SELENOI: variants seen among roughly 807,000 people sequenced by gnomAD.
SELENOI encodes ethanolaminephosphotransferase 1.
In SELENOI, 24 loss-of-function variants were observed where a neutral mutation model predicts 50.7. The observed-to-expected ratio is 0.47, with a 90% CI of 0.34 to 0.67. The LOEUF is 0.67. Among genes scored for constraint, SELENOI ranks in the 30% least tolerant of loss-of-function variants. The pLI, the probability that SELENOI is intolerant of heterozygous loss-of-function variation, is 0.01. For synonymous variants in SELENOI, 155 were observed against 170.2 expected, an observed-to-expected ratio of 0.91 and a Z score of 0.70; for missense variants, 352 against 461.4, an observed-to-expected ratio of 0.76 and a Z score of 2.17.
At position 26,389,475 on chromosome 2, in the gene SELENOI, T is replaced by C. The variant is rs1283667199; in HGVS notation, c.*372T>C. On this transcript the variant is annotated 3_prime_UTR_variant, in exon 10 of 10. Coordinates refer to ENST00000260585, the MANE Select transcript of SELENOI (RefSeq NM_033505.4). Reference sequence around the variant, plus strand: ...ACTGATAACACTCAGAAAACCACAGTGTGTTTTCATATTTGGAACTTTGTA... The same window carrying C: ...ACTGATAACACTCAGAAAACCACAGCGTGTTTTCATATTTGGAACTTTGTA... The C allele has an allele frequency of 1.2e-5, 2 of 164,808 alleles. No individual in the cohort carries two copies. The highest frequency in any genetic ancestry group is 1.7e-4 in the South Asian group (1 of 5,740). 10.2% of individuals were successfully genotyped at this position (164,808 alleles called of 1,614,324 possible). A position where few individuals can be genotyped will look rare whatever the true frequency, so the allele number is the denominator to read the frequency against.
chr2:26,353,299 TAAAAC>T (rs773204187), intron 1 of SELENOI, among the ~76,000 whole-genome samples: 60 of 152,222 alleles, frequency 3.9e-4, no homozygotes, highest in Admixed American at 2.2e-3. Context: ...GACTTGGAAT[TAAAAC>T]AAAGAAAACT....
rs1678051473 is a variant in SELENOI at position 26,394,787 on chromosome 2, A to G, written c.*5684A>G. 1 of 152,216 alleles carries G rather than the reference A, an allele frequency of 6.6e-6. No individual in the cohort carries two copies. The highest frequency in any genetic ancestry group is 2.4e-5 in the African/African-American group (1 of 41,446). 9.4% of individuals were successfully genotyped at this position (152,216 alleles called of 1,614,324 possible). On this transcript the variant is annotated 3_prime_UTR_variant, in exon 10 of 10. Transcript: ENST00000260585. The surrounding 1 kb of genome is among the most constrained non-coding windows in gnomAD (Gnocchi z 4.1). ...AGTAAATTTGTAGCCAGTTGTAGAA[A>G]AAGAAATTGATATCTTTCTGAGTAA... is the stretch of plus-strand genomic sequence containing the variant.
Position 26,373,569 on chromosome 2 carries a change from C to T in SELENOI, c.513C>T (p.His171=), listed in dbSNP as rs771708748. Residue 171 remains histidine (H), a synonymous_variant, in exon 5 of 10, where the codon CAC becomes CAT. Coordinates refer to ENST00000260585, the MANE Select transcript of SELENOI (RefSeq NM_033505.4). ...TTTTGTTTTCTTTCATCCTGTCCCA[C>T]TGGGAAAAGTATAACACAGGGATTC... ...WVVLFSFILS[H]WEKYNTGILF... is the part of the protein sequence containing the mutation. The T allele has an allele frequency of 6.2e-7, 1 of 1,613,890 alleles. No homozygotes were observed. Among genetic ancestry groups the T allele is most frequent in the South Asian group, 1.1e-5 (1 of 91,044 alleles).
intron 6 of SELENOI, among the ~76,000 whole-genome samples, chr2:26,376,995 T>G (rs1328605861): frequency 1.3e-5 from 2 of 152,184 alleles, no homozygotes; most frequent in African/African-American, 4.8e-5. Flanking sequence ...GTGGTTTTCT[T>G]TGTGTTTGTC....
intron 1 of SELENOI, 95 bp downstream of exon 1, chr2:26,346,384 C>T (rs1676758067): frequency 7.2e-7 from 1 of 1,386,328 alleles, no homozygotes; most frequent in Non-Finnish European, 9.4e-7. Context: ...CCTTGTGCCG[C>T]GTGGCTCCGG....
intron 5 of SELENOI, 45 bp downstream of exon 5, chr2:26,373,674 T>A (rs1206396352): frequency 6.3e-7 from 1 of 1,578,488 alleles, no homozygotes; most frequent in Admixed American, 1.8e-5. Flanking sequence ...ACCATGATAC[T>A]TTTGGAAAGC....
At chr2:26,370,658 G>A (rs1397023254) in intron 4 of SELENOI, among the ~76,000 whole-genome samples, 1 of 111,510 alleles carries the variant, frequency 9.0e-6, no homozygotes, top group Non-Finnish European at 1.9e-5. Flanking sequence ...TGGCCGGGCA[G>A]AGGGGCTCCT....
intron 6 of SELENOI, among the ~76,000 whole-genome samples, chr2:26,381,592 G>A (rs1677703954): frequency 6.6e-6 from 1 of 152,106 alleles, no homozygotes; most frequent in Non-Finnish European, 1.5e-5. Context: ...ACACCTCAGA[G>A]CTACAAGTAA....
At chr2:26,385,243 A>C in intron 8 of SELENOI, 104 bp downstream of exon 8, 1 of 692,856 alleles carries the variant, frequency 1.4e-6, no homozygotes. Flanking sequence ...ATTTTAACTT[A>C]AAGATTTTTA....
chr2:26,356,935 G>A (rs949760092), intron 1 of SELENOI, among the ~76,000 whole-genome samples: 7 of 151,764 alleles, frequency 4.6e-5, no homozygotes, highest in African/African-American at 1.7e-4. Context: ...GTGTTTCTTG[G>A]CATGTATTAC....
At chr2:26,362,789 C>T (rs1353527978) in intron 1 of SELENOI, among the ~76,000 whole-genome samples, 1 of 151,912 alleles carries the variant, frequency 6.6e-6, no homozygotes. Flanking sequence ...CTTTTTCAAG[C>T]GTGTGACTAG....
intron 1 of SELENOI, among the ~76,000 whole-genome samples, chr2:26,349,210 C>T (rs1481691061): frequency 2.6e-5 from 4 of 151,284 alleles, no homozygotes; most frequent in Non-Finnish European, 4.4e-5. Context: ...CGGTGCATTT[C>T]TCCATGTTGG....
chr2:26,383,345 CA>C lies in SELENOI; in HGVS notation c.730del (p.Arg244GlufsTer8). The C allele has an allele frequency of 6.5e-7, 1 of 1,532,960 alleles. No homozygotes were observed. Among genetic ancestry groups the C allele is most frequent in the Admixed American group, 2.0e-5 (1 of 51,240 alleles). The allele number at this position is 1,532,960 out of a possible 1,614,324, so 95.0% of individuals were successfully genotyped here. On this transcript the variant is annotated frameshift_variant and splice_region_variant, in exon 7 of 10. Transcript: ENST00000260585. LOFTEE classifies it high-confidence loss of function. ...TLPMSLLNFF[R>X]SYKNNTLKLN... ...TTCCAATGAGTTTATTAAACTTTTT[CA>C]GGTAAGTATTTTATTTTTTAAATGG...
In SELENOI at chr2:26,386,660, A is replaced by C. The variant is rs563642025; in HGVS notation, c.1095+124A>C. On this transcript the variant is annotated intron_variant, in intron 9 of 9. Transcript: ENST00000260585. ...AAAGTTGCTTATTATAGTAGCTGTA[A>C]GGGTTTTGGGATATTCTCTAAATTT... 9 of 778,136 alleles carry C rather than the reference A, an allele frequency of 1.2e-5. 1 individual carries two copies. In the African/African-American group the frequency reaches 1.6e-4, roughly 14 times the overall value. 48.2% of individuals were successfully genotyped at this position (778,136 alleles called of 1,614,324 possible).
intron 6 of SELENOI, among the ~76,000 whole-genome samples, chr2:26,377,466 CAA>C (rs1344386434): frequency 6.6e-6 from 1 of 151,708 alleles, no homozygotes; most frequent in Non-Finnish European, 1.5e-5. Flanking sequence ...CACGTCTCTA[CAA>C]AAAAATAGAA....
intron 6 of SELENOI, 119 bp from the exon 7 acceptor site, chr2:26,383,180 C>A: frequency 1.7e-6 from 1 of 578,290 alleles, no homozygotes; most frequent in Non-Finnish European, 3.0e-6. Context: ...AATTTTATTA[C>A]ACAAGTAAAC....
intron 1 of SELENOI, among the ~76,000 whole-genome samples, chr2:26,362,817 A>G (rs1677209530): frequency 6.6e-6 from 1 of 152,160 alleles, no homozygotes; most frequent in Non-Finnish European, 1.5e-5. Flanking sequence ...TGTAAATTTC[A>G]GATGGATGAA....
intron 4 of SELENOI, among the ~76,000 whole-genome samples, chr2:26,367,675 A>T (rs1346566264): frequency 6.6e-6 from 1 of 152,234 alleles, no homozygotes; most frequent in African/African-American, 2.4e-5. Context: ...TTTGGGAAGC[A>T]ATACTGTCAT....
At position 26,372,629 on chromosome 2, in the gene SELENOI, G is replaced by A. The variant is rs78271221; in HGVS notation, c.311-738G>A. Among the ~76,000 whole-genome samples, 807 of 152,322 alleles carry A rather than the reference G, an allele frequency of 5.3e-3. 35 individuals are homozygous for A. In the South Asian group the frequency reaches 0.082, roughly 16 times the overall value. On this transcript the variant is annotated intron_variant, in intron 4 of 9. Coordinates refer to ENST00000260585, the MANE Select transcript of SELENOI (RefSeq NM_033505.4). ...TCAAACAGGATAGAATAGATGTTGT[G>A]ACTGAAGTACTTTTGGATCCTAGAG...
Sources: gnomAD v4.1 joint callset for allele counts (sites outside exome capture counted in the v4.1 genomes callset) on GRCh38, gnomAD v4.1.1 for gene constraint, Gnocchi (gnomAD v3.1) non-coding constraint, MANE v1.5 for transcripts, NCBI Gene and HGNC (gene_info 2026-07-23, HGNC 2026-07-21) for gene names.